Variants in PSG11 observed in about 807,000 individuals in gnomAD.
PSG11 encodes the protein pregnancy specific beta-1-glycoprotein 11.
A neutral mutation model predicts 36.0 loss-of-function variants in PSG11; 42 were observed. The ratio of observed to expected loss-of-function variants is 1.17; its 90% confidence interval spans 0.91 to 1.51. The LOEUF is 1.51. Ranked by LOEUF, PSG11 falls within the 40% of genes most tolerant of loss-of-function variation. The pLI is 0.00. For missense variants in PSG11, 558 were observed against 403.5 expected, an observed-to-expected ratio of 1.38 and a Z score of -3.28; for synonymous variants, 206 against 153.5, an observed-to-expected ratio of 1.34 and a Z score of -2.53.
rs1048271243 is a variant in PSG11 at position 43,010,121 on chromosome 19, A to G, written c.965-80T>C. ...GGAGCGTCAGGAACAAGCATGTAACATGAGATACTGTATAATTGTTTCTTC... is the reference window on the plus strand; with the variant it reads ...GGAGCGTCAGGAACAAGCATGTAACGTGAGATACTGTATAATTGTTTCTTC... On this transcript the variant is annotated intron_variant, in intron 4 of 5. Coordinates refer to ENST00000320078, the MANE Select transcript of PSG11 (RefSeq NM_002785.3). 27 of 1,541,628 alleles carry G rather than the reference A, an allele frequency of 1.8e-5. No homozygotes were observed. The African/African-American group carries it at 2.9e-4, about 17-fold the overall frequency.
intron 2 of PSG11, among the ~76,000 whole-genome samples, chr19:43,020,036 A>G (rs1346963671): frequency 1.3e-5 from 2 of 151,212 alleles, no homozygotes; most frequent in African/African-American, 4.9e-5. Context: ...TATGTACCTG[A>G]TATCAGTGGA....
chr19:43,016,466 C>T (rs921973656), intron 3 of PSG11, among the ~76,000 whole-genome samples: 1 of 150,982 alleles, frequency 6.6e-6, no homozygotes, highest in African/African-American at 2.4e-5. Flanking sequence ...GCTTCCATTT[C>T]CAAGGACATT....
chr19:43,010,091 A>C, intron 4 of PSG11, 50 bp from the exon 5 acceptor site: 2 of 1,579,226 alleles, frequency 1.3e-6, no homozygotes, highest in Non-Finnish European at 1.7e-6. Context: ...GTTATTTTAC[A>C]TGGGGGAGCG....
At chr19:43,012,351 A>C (rs959434399) in intron 4 of PSG11, among the ~76,000 whole-genome samples, 5 of 151,448 alleles carry the variant, frequency 3.3e-5, no homozygotes, top group Admixed American at 3.3e-4. Context: ...GGAAGGAGTA[A>C]AATTATTTCT....
At chr19:43,011,312 T>G (rs1304372155) in intron 4 of PSG11, among the ~76,000 whole-genome samples, 1 of 151,202 alleles carries the variant, frequency 6.6e-6, no homozygotes, top group East Asian at 1.9e-4. Context: ...TGCAAGAAAT[T>G]TATAACTGTA....
intron 5 of PSG11, 158 bp from the exon 6 acceptor site, chr19:43,008,200 T>A (rs1973978369): frequency 4.2e-6 from 1 of 240,672 alleles, no homozygotes; most frequent in Non-Finnish European, 8.2e-6. Context: ...GAAATCTAGT[T>A]ACTTCTGTGG....
In PSG11 at chr19:43,014,717, T is replaced by C. The variant is rs1430145963; in HGVS notation, c.964+399A>G. On this transcript the variant is annotated intron_variant, in intron 4 of 5. Coordinates refer to ENST00000320078, the MANE Select transcript of PSG11 (RefSeq NM_002785.3). ...CATTTGGGGGAAAAGTGTGAGCTTG[T>C]TTCAAAGCCTCAGATGTTCCTTGTA... 4.2e-6 allele frequency: 5 copies of C among 1,202,720 alleles called. No homozygotes were observed. The African/African-American group carries it at 6.3e-5, about 15-fold the overall frequency. The allele number at this position is 1,202,720 out of a possible 1,614,324, so 74.5% of individuals were successfully genotyped here. A position where few individuals can be genotyped will look rare whatever the true frequency, so the allele number is the denominator to read the frequency against.
intron 5 of PSG11, among the ~76,000 whole-genome samples, chr19:43,008,513 T>G (rs1973988776): frequency 6.6e-6 from 1 of 151,312 alleles, no homozygotes; most frequent in Admixed American, 6.6e-5. Context: ...CCTGACCTTA[T>G]GATCCACCCA....
At chr19:43,015,877 C>T in intron 3 of PSG11, 3 of 1,610,016 alleles carry the variant, frequency 1.9e-6, no homozygotes, top group African/African-American at 1.3e-5. Flanking sequence ...AATGAGGATC[C>T]TGTTTTCAAT....
chr19:43,019,020 G>T lies in PSG11; in HGVS notation c.459C>A (p.Ser153Arg), dbSNP rs758982991. The change falls in exon 3 of 6, where the codon AGC becomes AGA. Residue 153 changes from serine to arginine, a missense_variant. Ser to Arg is a moderately radical substitution (Grantham distance 110). Transcript: ENST00000320078. ...YLETPKPSIS[S>R]SNLNPREAME... ...TGGCCTCCCTGGGGTTTAAGTTGCT[G>T]CTGGAGATGGAGGGCTTGGGAGTCT... The T allele has an allele frequency of 6.2e-7, 1 of 1,611,832 alleles. No homozygotes were observed. The highest frequency in any genetic ancestry group is 1.3e-5 in the African/African-American group (1 of 74,372).
At chr19:43,013,193 A>G (rs982005375) in intron 4 of PSG11, among the ~76,000 whole-genome samples, 1 of 151,476 alleles carries the variant, frequency 6.6e-6, no homozygotes, top group African/African-American at 2.4e-5. Flanking sequence ...GCTTCATGAT[A>G]CTGGATTTCA....
intron 1 of PSG11, among the ~76,000 whole-genome samples, chr19:43,025,937 T>TTTTTTTTTTTTTTTTTTTTTTTCTC (rs1967241759): frequency 1.5e-5 from 1 of 65,682 alleles, no homozygotes; most frequent in African/African-American, 8.7e-5. Context: ...TTTTTTTCTC[T>TTTTTTTTTTTTTTTTTTTTTTTCTC]TTTTTTTTTT....
rs1478243711 is a variant in PSG11, at chr19:43,015,389, A to G, written c.710-19T>C. On this transcript the variant is annotated intron_variant, in intron 3 of 5. Coordinates refer to ENST00000320078, the MANE Select transcript of PSG11 (RefSeq NM_002785.3). ...GGACCATCTGGAGGAAAGAGAATAAAGCCACAGTTGATGTCATCTGAGGGA... is the reference window on the plus strand; with the variant it reads ...GGACCATCTGGAGGAAAGAGAATAAGGCCACAGTTGATGTCATCTGAGGGA... The G allele has an allele frequency of 1.2e-6, 2 of 1,602,078 alleles. No homozygotes were observed. Among genetic ancestry groups the G allele is most frequent in the Non-Finnish European group, 1.7e-6 (2 of 1,173,646 alleles).
intron 3 of PSG11, among the ~76,000 whole-genome samples, chr19:43,016,367 C>T (rs556071267): frequency 3.3e-5 from 5 of 151,314 alleles, no homozygotes; most frequent in Admixed American, 1.3e-4. Flanking sequence ...CTGGCTGGCT[C>T]ACCTTGGGTT....
intron 1 of PSG11, among the ~76,000 whole-genome samples, chr19:43,026,009 T>A (rs1279791028): frequency 1.5e-5 from 2 of 132,448 alleles, no homozygotes; most frequent in East Asian, 2.7e-4. Flanking sequence ...TGGCACTATC[T>A]CAGCTCACTG....
rs1478211956 is a variant in PSG11, at chr19:43,025,031, C to G, written c.90G>C (p.Leu30Phe). Residue 30 changes from leucine to phenylalanine, a missense_variant, in exon 2 of 6, where the codon TTG becomes TTC. By Grantham distance (22) the Leu-to-Phe change is conservative. Transcript: ENST00000320078. ...CAATCATGACTTGGGCAGTGGTAGG[C>G]AAGTTCCAGAAGTTTAAAAGTAATG... ...LTALLLNFWN[L>F]PTTAQVMIEA... The G allele has an allele frequency of 6.2e-7, 1 of 1,609,416 alleles. No individual in the cohort carries two copies. The highest frequency in any genetic ancestry group is 8.5e-7 in the Non-Finnish European group (1 of 1,177,440).
chr19:43,015,785 C>A, intron 3 of PSG11: 1 of 1,610,294 alleles, frequency 6.2e-7, no homozygotes. Flanking sequence ...TTCAGGGTGA[C>A]TGAGTCACTG....
At chr19:43,017,002 C>G (rs1396860692) in intron 3 of PSG11, among the ~76,000 whole-genome samples, 5 of 151,440 alleles carry the variant, frequency 3.3e-5, no homozygotes, top group Non-Finnish European at 7.4e-5. Context: ...ATTCTACTCT[C>G]TGATCCCCTG....
chr19:43,010,278 G>T, intron 4 of PSG11: 1 of 1,465,340 alleles, frequency 6.8e-7, no homozygotes. Flanking sequence ...AGGTATTTTG[G>T]AAGGCTTTCA....
Sources: gnomAD v4.1 joint callset for allele counts (sites outside exome capture counted in the v4.1 genomes callset) on GRCh38, gnomAD v4.1.1 for gene constraint, MANE v1.5 for transcripts, NCBI Gene and HGNC (gene_info 2026-07-23, HGNC 2026-07-21) for gene names.